The following CHRNA7 variants were observed in gnomAD, a reference collection of about 807,000 sequenced individuals.
CHRNA7 encodes neuronal acetylcholine receptor subunit alpha-7.
In CHRNA7, 17 loss-of-function variants were observed where a neutral mutation model predicts 48.0. The ratio of observed to expected loss-of-function variants is 0.35; its 90% CI spans 0.24 to 0.53. The LOEUF (loss-of-function observed/expected upper bound fraction) is 0.53, where lower values mean the gene tolerates loss of function less well. Ranked by LOEUF, CHRNA7 falls within the 20% of genes least tolerant of loss-of-function variation. The pLI, the probability that CHRNA7 is intolerant of heterozygous loss-of-function variation, is 0.92. For missense variants in CHRNA7, 155 were observed against 577.7 expected, an observed-to-expected ratio of 0.27 and a Z score of 7.50; for synonymous variants, 75 against 242.3, an observed-to-expected ratio of 0.31 and a Z score of 6.41.
chr15:32,111,024 C>T (rs2050754261), intron 3 of CHRNA7, among the ~76,000 whole-genome samples: 1 of 152,156 alleles, frequency 6.6e-6, no homozygotes, highest in Admixed American at 6.5e-5. Context: ...GTGGCAGCTG[C>T]AGGTGGGATC....
rs532301495 is a variant in CHRNA7, at chr15:32,144,524, C to G, written c.351-9383C>G. Among the ~76,000 whole-genome samples the G allele has an allele frequency of 5.0e-4, 76 of 152,268 alleles. 1 individual carries two copies. In the South Asian group the frequency reaches 5.4e-3, roughly 11 times the overall value. On this transcript the variant is annotated intron_variant, in intron 4 of 9. Transcript: ENST00000306901. ...CTGAAGGGTGTTTTCCAACTTGGTT[C>G]CATTCTGCTCATCACTTTCAGGTAC...
intron 4 of CHRNA7, among the ~76,000 whole-genome samples, chr15:32,144,254 T>C (rs2051440768): frequency 6.6e-6 from 1 of 152,242 alleles, no homozygotes; most frequent in African/African-American, 2.4e-5. Context: ...CACTCTCTTC[T>C]GGCTTGTAGG....
intron 2 of CHRNA7, among the ~76,000 whole-genome samples, chr15:32,067,039 A>G (rs1201798776): frequency 6.6e-6 from 1 of 152,240 alleles, no homozygotes; most frequent in Non-Finnish European, 1.5e-5. Flanking sequence ...AACCTGTGAG[A>G]AAACAATCAT....
chr15:32,077,091 G>A (rs1412038451), intron 2 of CHRNA7, among the ~76,000 whole-genome samples: 1 of 151,748 alleles, frequency 6.6e-6, no homozygotes. Flanking sequence ...ATAGTAATAT[G>A]CATTTAAAGT....
In CHRNA7 at chr15:32,111,645, C is replaced by T. The variant is rs75319028; in HGVS notation, c.241-145C>T. ...ATTTTGGAAAGGATTTTTGAATTCC[C>T]ATTTTCATTATATTTTATAAATAGC... On this transcript the variant is annotated intron_variant, in intron 3 of 9. Transcript: ENST00000306901. The T allele has an allele frequency of 1.3e-3, 732 of 569,636 alleles. 1 individual carries two copies. Among genetic ancestry groups the T allele is most frequent in the Middle Eastern group, 1.7e-3 (6 of 3,460 alleles). The allele number at this position is 569,636 out of a possible 1,614,324, so 35.3% of individuals were successfully genotyped here.
intron 2 of CHRNA7, among the ~76,000 whole-genome samples, chr15:32,056,574 A>G (rs1458740070): frequency 6.6e-6 from 1 of 152,176 alleles, no homozygotes. Context: ...GGGTAATGGA[A>G]ATTTTTAATA....
chr15:32,156,021 A>AT (rs2051731971), intron 5 of CHRNA7: 1 of 78,236 alleles, frequency 1.3e-5, no homozygotes, highest in South Asian at 4.3e-4. Context: ...TTTTAAGTAC[A>AT]TGATTCAACA....
At chr15:32,063,345 C>T (rs895775900) in intron 2 of CHRNA7, among the ~76,000 whole-genome samples, 4 of 152,168 alleles carry the variant, frequency 2.6e-5, no homozygotes, top group Non-Finnish European at 4.4e-5. Context: ...GATACGCTGT[C>T]CATAGTTCCC....
At chr15:32,101,272 T>A in intron 2 of CHRNA7, 31 bp from the exon 3 acceptor site, 1 of 1,572,418 alleles carries the variant, frequency 6.4e-7, no homozygotes, top group Admixed American at 1.9e-5. Flanking sequence ...ACCATATTAT[T>A]TATGCTGCTG....
chr15:32,137,026 C>A (rs1343343643), intron 4 of CHRNA7, among the ~76,000 whole-genome samples: 2 of 76,724 alleles, frequency 2.6e-5, no homozygotes, highest in African/African-American at 7.9e-5. Flanking sequence ...AGCGAGACTC[C>A]GTCTCAAAAA....
At chr15:32,145,865 C>A (rs1001261870) in intron 4 of CHRNA7, among the ~76,000 whole-genome samples, 1 of 152,216 alleles carries the variant, frequency 6.6e-6, no homozygotes, top group African/African-American at 2.4e-5. Flanking sequence ...TCCCCCAACC[C>A]CTTGCACTTC....
At chr15:32,114,072 A>ATG in intron 4 of CHRNA7, among the ~76,000 whole-genome samples, 1 of 135,812 alleles carries the variant, frequency 7.4e-6, no homozygotes, top group African/African-American at 2.7e-5. Context: ...ATATATATAT[A>ATG]TATACACATA....
chr15:32,084,245 A>G (rs2050260118), intron 2 of CHRNA7, among the ~76,000 whole-genome samples: 2 of 152,354 alleles, frequency 1.3e-5, no homozygotes, highest in East Asian at 1.9e-4. Flanking sequence ...TCCTTGTGAC[A>G]GCAATATGAA....
intron 2 of CHRNA7, chr15:32,099,965 T>C (rs1028070907): frequency 1.3e-5 from 2 of 152,190 alleles, no homozygotes; most frequent in Non-Finnish European, 2.9e-5. Flanking sequence ...CATCATCCCA[T>C]GTCCCTCCCC....
intron 5 of CHRNA7, among the ~76,000 whole-genome samples, chr15:32,154,520 C>CA (rs2051696090): frequency 1.9e-4 from 3 of 15,662 alleles, no homozygotes; most frequent in Non-Finnish European, 3.6e-4. Flanking sequence ...AACAGTGTCT[C>CA]ACCTCCAAGG....
chr15:32,085,420 C>A (rs1595429645), intron 2 of CHRNA7, among the ~76,000 whole-genome samples: 1 of 152,294 alleles, frequency 6.6e-6, no homozygotes, highest in East Asian at 1.9e-4. Flanking sequence ...AACTTAGCAC[C>A]ATATTCCATT....
At chr15:32,095,321 C>G (rs8028298) in intron 2 of CHRNA7, among the ~76,000 whole-genome samples, 150,400 of 152,302 alleles carry the variant, frequency 0.99, 74,293 homozygotes, top group East Asian at 1. Flanking sequence ...CTCTCCTTAA[C>G]GTTATTGAAG....
intron 2 of CHRNA7, chr15:32,100,227 A>G (rs1189172267): frequency 6.6e-6 from 1 of 151,572 alleles, no homozygotes; most frequent in Non-Finnish European, 1.5e-5. Context: ...TCGGTGAACC[A>G]GGCCAAGTAG....
chr15:32,064,929 A>G (rs1488937130), intron 2 of CHRNA7, among the ~76,000 whole-genome samples: 1 of 152,226 alleles, frequency 6.6e-6, no homozygotes, highest in Non-Finnish European at 1.5e-5. Context: ...TGAATATGCA[A>G]CAGAGCCTAT....
Sources: gnomAD v4.1 joint callset for allele counts (sites outside exome capture counted in the v4.1 genomes callset) on GRCh38, gnomAD v4.1.1 for gene constraint, MANE v1.5 for transcripts, NCBI Gene and HGNC (gene_info 2026-07-23, HGNC 2026-07-21) for gene names.